The following HLCS variants were observed in gnomAD, a reference collection of about 807,000 sequenced individuals.
The protein encoded by HLCS is holocarboxylase synthetase.
HLCS carries 53 observed loss-of-function variants against 75.0 expected under a neutral mutation model. The ratio of observed to expected loss-of-function variants is 0.71; its 90% confidence interval spans 0.57 to 0.89. HLCS has a LOEUF of 0.89. HLCS is among the 40% of genes least tolerant of loss of function. HLCS has a pLI of 0.00. For synonymous variants in HLCS, 431 were observed against 428.6 expected, an observed-to-expected ratio of 1.01 and a Z score of -0.07; for missense variants, 966 against 1,074.0, an observed-to-expected ratio of 0.90 and a Z score of 1.41.
intron 6 of HLCS, among the ~76,000 whole-genome samples, chr21:36,792,253 T>C (rs942403445): frequency 1.2e-4 from 18 of 151,984 alleles, no homozygotes; most frequent in African/African-American, 4.3e-4. Flanking sequence ...CCGTCAGCCT[T>C]TTCTTCTGTC....
chr21:36,983,057 A>C (rs1445649698), intron 1 of HLCS, among the ~76,000 whole-genome samples: 1 of 152,028 alleles, frequency 6.6e-6, no homozygotes, highest in East Asian at 1.9e-4. Context: ...AAACAAAAAC[A>C]AAAAAACTCT....
chr21:36,839,260 G>A (rs1003944363), intron 6 of HLCS, among the ~76,000 whole-genome samples: 5 of 152,296 alleles, frequency 3.3e-5, no homozygotes, highest in East Asian at 1.9e-4. Context: ...ACACTTCTCC[G>A]TGTTGGTTTA....
At chr21:36,966,823 G>GA (rs1401522592), upstream of HLCS, among the ~76,000 whole-genome samples, 3 of 147,326 alleles carry the variant, frequency 2.0e-5, no homozygotes, top group African/African-American at 7.4e-5. Flanking sequence ...GGAGGGGCGG[G>GA]GGGGGGTGAG....
At chr21:36,815,964 A>T (rs1359496103) in intron 6 of HLCS, among the ~76,000 whole-genome samples, 1 of 152,174 alleles carries the variant, frequency 6.6e-6, no homozygotes, top group Non-Finnish European at 1.5e-5. Context: ...AATTGATTAC[A>T]TGGAATAGGA....
At chr21:36,989,876 G>A (rs1264425443) in intron 1 of HLCS, among the ~76,000 whole-genome samples, 2 of 152,004 alleles carry the variant, frequency 1.3e-5, no homozygotes, top group African/African-American at 4.8e-5. Context: ...CTGACAGCCG[G>A]GCCGAGCCAG....
At chr21:36,843,460 A>G (rs1326607958) in intron 6 of HLCS, among the ~76,000 whole-genome samples, 2 of 113,710 alleles carry the variant, frequency 1.8e-5, no homozygotes, top group South Asian at 6.0e-4. Flanking sequence ...CACCCCCGAA[A>G]AAAGAAACAA....
chr21:36,821,373 A>G (rs1017652639), intron 6 of HLCS, among the ~76,000 whole-genome samples: 2 of 152,148 alleles, frequency 1.3e-5, no homozygotes, highest in African/African-American at 4.8e-5. Flanking sequence ...GGTTTTATTG[A>G]ACCACTGCCA....
At chr21:36,828,785 C>T (rs2062098847) in intron 6 of HLCS, among the ~76,000 whole-genome samples, 1 of 152,194 alleles carries the variant, frequency 6.6e-6, no homozygotes. Flanking sequence ...TTTTCAGGAT[C>T]ACTACTTTGA....
At chr21:36,898,860 A>C (rs1425525464) in intron 5 of HLCS, among the ~76,000 whole-genome samples, 1 of 152,144 alleles carries the variant, frequency 6.6e-6, no homozygotes, top group Non-Finnish European at 1.5e-5. Context: ...CAAGAGTCTG[A>C]GACCAGCCTG....
intron 2 of HLCS, among the ~76,000 whole-genome samples, chr21:36,949,421 G>A (rs1399257450): frequency 6.6e-6 from 1 of 152,194 alleles, no homozygotes; most frequent in Non-Finnish European, 1.5e-5. Context: ...CTCGCCACAG[G>A]GCAGCTTGAG....
At chr21:36,968,707 A>G (rs564965592), upstream of HLCS, 1 of 152,342 alleles carries the variant, frequency 6.6e-6, no homozygotes, top group East Asian at 1.9e-4. Flanking sequence ...AAAAGTGCTC[A>G]ACAGTGATAA....
chr21:36,753,798 C>G lies in HLCS; in HGVS notation c.*448G>C, dbSNP rs772947158. On this transcript the variant is annotated 3_prime_UTR_variant, in exon 11 of 11. Coordinates refer to ENST00000674895, the MANE Select transcript of HLCS (RefSeq NM_001352514.2). This position sits in a 1 kb window ranked among gnomAD's most constrained non-coding sequence, Gnocchi z 4.3. ...CCAAGCATGTTCTTACAGTTCAGTA[C>G]CTCCCCAGATGCTTACAAACAGTGA... is the stretch of plus-strand genomic sequence containing the variant. 5 of 242,240 alleles carry G rather than the reference C, an allele frequency of 2.1e-5. No homozygotes were observed. The highest frequency in any genetic ancestry group is 4.1e-5 in the Non-Finnish European group (5 of 122,920). The allele number at this position is 242,240 out of a possible 1,614,324, so 15.0% of individuals were successfully genotyped here.
chr21:36,823,648 T>TGTGTAC (rs2061918278), intron 6 of HLCS, among the ~76,000 whole-genome samples: 2 of 150,870 alleles, frequency 1.3e-5, no homozygotes, highest in African/African-American at 4.9e-5. Flanking sequence ...TGTGTGTGTG[T>TGTGTAC]ACACATGTGC....
In HLCS at chr21:36,958,484, G is replaced by C. The variant is rs144219306; in HGVS notation, c.330+3552C>G. Among the ~76,000 whole-genome samples the C allele has an allele frequency of 6.0e-3, 921 of 152,236 alleles. 11 individuals carry two copies. The highest frequency in any genetic ancestry group is 0.02 in the African/African-American group (849 of 41,550). On this transcript the variant is annotated intron_variant, in intron 2 of 10. Coordinates refer to ENST00000674895, the MANE Select transcript of HLCS (RefSeq NM_001352514.2). ...TGGTTAAAATCTTATCTCTCACTTA[G>C]CAGCTGGTTAAAACCTTGTCTAGGC...
intron 6 of HLCS, among the ~76,000 whole-genome samples, chr21:36,824,672 T>C (rs537582002): frequency 6.6e-6 from 1 of 152,318 alleles, no homozygotes; most frequent in East Asian, 1.9e-4. Flanking sequence ...TTTTGTTTTG[T>C]CCATACACGG....
chr21:36,816,294 G>A (rs2061661160), intron 6 of HLCS, among the ~76,000 whole-genome samples: 1 of 152,018 alleles, frequency 6.6e-6, no homozygotes, highest in African/African-American at 2.4e-5. Flanking sequence ...TCCTCAGGAG[G>A]CTGGGGTGGG....
intron 6 of HLCS, among the ~76,000 whole-genome samples, chr21:36,882,751 G>A (rs186707368): frequency 3.4e-4 from 52 of 151,200 alleles, no homozygotes; most frequent in African/African-American, 1.2e-3. Flanking sequence ...GTGAGCCACC[G>A]TGCCCGGCCC....
intron 6 of HLCS, among the ~76,000 whole-genome samples, chr21:36,778,609 A>G (rs1445350921): frequency 6.6e-6 from 1 of 152,184 alleles, no homozygotes; most frequent in Non-Finnish European, 1.5e-5. Context: ...ATGGTTGCCA[A>G]ACAGATTTTT....
intron 6 of HLCS, among the ~76,000 whole-genome samples, chr21:36,867,353 T>C (rs1280253010): frequency 6.6e-6 from 1 of 152,204 alleles, no homozygotes; most frequent in Non-Finnish European, 1.5e-5. Flanking sequence ...GGCTACAACA[T>C]AGCTAAACCT....
Sources: gnomAD v4.1 joint callset for allele counts (sites outside exome capture counted in the v4.1 genomes callset) on GRCh38, gnomAD v4.1.1 for gene constraint, Gnocchi (gnomAD v3.1) non-coding constraint, MANE v1.5 for transcripts, NCBI Gene and HGNC (gene_info 2026-07-23, HGNC 2026-07-21) for gene names.